The following PHKB variants were observed in gnomAD, a reference collection of about 807,000 sequenced individuals.
PHKB encodes the protein phosphorylase b kinase regulatory subunit beta.
PHKB carries 122 observed loss-of-function variants against 152.1 expected under a neutral mutation model. The observed-to-expected ratio is 0.80, with a 90% CI of 0.69 to 0.93. The LOEUF (loss-of-function observed/expected upper bound fraction) is 0.93, where lower values mean the gene tolerates loss of function less well. Ranked by LOEUF, PHKB falls within the 40% of genes least tolerant of loss-of-function variation. The pLI, the probability that PHKB is intolerant of heterozygous loss-of-function variation, is 0.00. For missense variants in PHKB, 1,304 were observed against 1,328.4 expected (o/e 0.98, Z 0.29); for synonymous variants, 436 against 464.9 (o/e 0.94, Z 0.80).
In PHKB at chr16:47,650,871, C is replaced by T; in HGVS notation, c.1921C>T (p.Leu641Phe). The T allele has an allele frequency of 1.2e-6, 2 of 1,613,772 alleles. No homozygotes were observed. The highest frequency in any genetic ancestry group is 1.7e-6 in the Non-Finnish European group (2 of 1,179,808). The stretch of plus-strand genomic sequence containing the variant: ...CCCCATATTAGATATGCTGGCAGCC[C>T]TTAAAAAAGGAATAATTGGAGGAGT... ...FNPILDMLAA[L>F]KKGIIGGVKV... is the part of the protein sequence containing the mutation. Residue 641 changes from leucine (L) to phenylalanine (F), a missense_variant, in exon 20 of 31, where the codon CTT becomes TTT. Transcript: ENST00000323584.
At chr16:47,493,984 A>C (rs1270398904) in intron 1 of PHKB, among the ~76,000 whole-genome samples, 1 of 152,220 alleles carries the variant, frequency 6.6e-6, no homozygotes, top group Admixed American at 6.5e-5. Flanking sequence ...TTCCAACCTC[A>C]ACTAGTTAAG....
rs1045104424 is a variant in PHKB at position 47,595,402 on chromosome 16, C to G, written c.1205-971C>G. ...ACTGTGGGCTAATATTGCAAAAAGT[C>G]TCCTGTAGCATCCTACATAGATTGT... On this transcript the variant is annotated intron_variant, in intron 12 of 30. Transcript: ENST00000323584. Among the ~76,000 whole-genome samples, 6 of 152,254 alleles carry G rather than the reference C, an allele frequency of 3.9e-5. No individual in the cohort carries two copies. The East Asian group carries it at 1.2e-3, about 29-fold the overall frequency.
intron 7 of PHKB, among the ~76,000 whole-genome samples, chr16:47,573,482 G>T (rs773613396): frequency 2.0e-5 from 3 of 152,156 alleles, no homozygotes; most frequent in Non-Finnish European, 4.4e-5. Flanking sequence ...CCTCAGGGAG[G>T]GGAGAGGGGT....
intron 13 of PHKB, among the ~76,000 whole-genome samples, chr16:47,601,857 A>G (rs566119634): frequency 8.7e-4 from 132 of 152,358 alleles, no homozygotes; most frequent in African/African-American, 2.9e-3. Context: ...AACTTTACAT[A>G]TTGTATAATT....
chr16:47,468,437 A>C (rs1300499747), intron 1 of PHKB, among the ~76,000 whole-genome samples: 1 of 152,244 alleles, frequency 6.6e-6, no homozygotes, highest in Non-Finnish European at 1.5e-5. Context: ...GGGTTACCTG[A>C]GGTCAGAAGT....
chr16:47,505,176 A>C (rs954065970), intron 4 of PHKB, among the ~76,000 whole-genome samples: 1 of 152,008 alleles, frequency 6.6e-6, no homozygotes, highest in African/African-American at 2.4e-5. Flanking sequence ...ATCTCCACCT[A>C]CTCTCACACT....
chr16:47,484,764 A>G (rs1456255375), intron 1 of PHKB, among the ~76,000 whole-genome samples: 1 of 152,250 alleles, frequency 6.6e-6, no homozygotes, highest in African/African-American at 2.4e-5. Flanking sequence ...GATGGGATGG[A>G]ATAATGTATA....
At chr16:47,616,501 T>C (rs1972517504) in intron 14 of PHKB, among the ~76,000 whole-genome samples, 1 of 145,794 alleles carries the variant, frequency 6.9e-6, no homozygotes, top group African/African-American at 2.5e-5. Context: ...TTTTATATAT[T>C]TATATGTAAA....
chr16:47,535,069 T>C (rs971227753), intron 6 of PHKB, among the ~76,000 whole-genome samples: 2 of 152,210 alleles, frequency 1.3e-5, no homozygotes, highest in Non-Finnish European at 2.9e-5. Context: ...CCTGAGCAGT[T>C]ACTCACTGCA....
At chr16:47,636,951 A>G (rs890755361) in intron 14 of PHKB, among the ~76,000 whole-genome samples, 2 of 152,144 alleles carry the variant, frequency 1.3e-5, no homozygotes, top group African/African-American at 2.4e-5. Flanking sequence ...ATGGCCGCCC[A>G]TGGACCGATC....
chr16:47,694,295 C>A (rs1399273855), intron 28 of PHKB, among the ~76,000 whole-genome samples: 1 of 152,134 alleles, frequency 6.6e-6, no homozygotes, highest in Non-Finnish European at 1.5e-5. Context: ...GAAGGATTAG[C>A]CTTTTGGAAA....
intron 26 of PHKB, among the ~76,000 whole-genome samples, chr16:47,685,715 T>G (rs1973952578): frequency 6.6e-6 from 1 of 152,006 alleles, no homozygotes; most frequent in Non-Finnish European, 1.5e-5. Flanking sequence ...CCAACAATTT[T>G]AATGAATAAA....
chr16:47,480,807 G>A (rs967776416), intron 1 of PHKB, among the ~76,000 whole-genome samples: 2 of 151,668 alleles, frequency 1.3e-5, no homozygotes, highest in African/African-American at 2.4e-5. Flanking sequence ...TTTCAGTTTC[G>A]TATTACATAA....
At position 47,497,482 on chromosome 16, in the gene PHKB, A is replaced by G; in HGVS notation, c.160A>G (p.Arg54Gly). 6.3e-7 allele frequency: 1 copy of G among 1,588,292 alleles called. No individual in the cohort carries two copies. The highest frequency in any genetic ancestry group is 2.2e-5 in the East Asian group (1 of 44,678). The change falls in exon 2 of 31, where the codon AGA (arginine) becomes GGA (glycine). Residue 54 changes from arginine to glycine, a missense_variant. By Grantham distance (125) the Arg-to-Gly change is moderately radical. Coordinates refer to ENST00000323584, the MANE Select transcript of PHKB (RefSeq NM_000293.3). The stretch of plus-strand genomic sequence containing the variant: ...CTGGGATAAGTTGGACCATTATTAC[A>G]GAATTGGTGAGTAAAACCTGAGGAA... ...TLWDKLDHYY[R>G]IVKSTLLLYQ...
chr16:47,618,504 A>G (rs1169223544), intron 14 of PHKB, among the ~76,000 whole-genome samples: 4 of 152,150 alleles, frequency 2.6e-5, no homozygotes, highest in Admixed American at 6.5e-5. Flanking sequence ...ACTGTGATAT[A>G]TATGAATAGA....
chr16:47,627,912 T>C (rs1972739675), intron 14 of PHKB, among the ~76,000 whole-genome samples: 1 of 152,156 alleles, frequency 6.6e-6, no homozygotes, highest in South Asian at 2.1e-4. Context: ...TGTTTCCAGT[T>C]GGAATTGAGA....
chr16:47,649,981 G>C (rs1973205743), intron 18 of PHKB, among the ~76,000 whole-genome samples: 1 of 152,106 alleles, frequency 6.6e-6, no homozygotes, highest in Admixed American at 6.5e-5. Context: ...CATTGCTAAT[G>C]GTCTGTATAA....
intron 6 of PHKB, among the ~76,000 whole-genome samples, chr16:47,524,853 C>A (rs1970740467): frequency 6.6e-6 from 1 of 152,168 alleles, no homozygotes; most frequent in Non-Finnish European, 1.5e-5. Flanking sequence ...ACTGGGAAGT[C>A]TTAAAAGGGA....
intron 25 of PHKB, among the ~76,000 whole-genome samples, chr16:47,667,276 G>GA (rs935794213): frequency 7.7e-4 from 114 of 147,604 alleles, no homozygotes; most frequent in South Asian, 1.3e-3. Flanking sequence ...GCAAAAAAAA[G>GA]AAAAAAAAAA....
Sources: allele counts gnomAD v4.1 joint callset (sites outside exome capture counted in the v4.1 genomes callset), GRCh38; gene constraint gnomAD v4.1.1; transcripts MANE v1.5; gene names NCBI Gene and HGNC (gene_info 2026-07-23, HGNC 2026-07-21).